The following CHCHD4 variants were observed in gnomAD, a reference collection of about 807,000 sequenced individuals.
CHCHD4 encodes the protein coiled-coil-helix-coiled-coil-helix domain containing 4, also known as mitochondrial intermembrane space import and assembly protein 40.
Under a neutral mutation model 12.4 loss-of-function variants are expected in CHCHD4, and 7 were observed. That is an observed-to-expected ratio of 0.57 (90% confidence interval 0.32 to 1.06). CHCHD4 has a LOEUF of 1.06. Among genes scored for constraint, CHCHD4 ranks in the 50% least tolerant of loss-of-function variants. CHCHD4 has a pLI of 0.04. For missense variants in CHCHD4, 143 were observed against 175.1 expected, an observed-to-expected ratio of 0.82 and a Z score of 1.03; for synonymous variants, 56 against 58.0, an observed-to-expected ratio of 0.97 and a Z score of 0.16.
Position 14,117,628 on chromosome 3 carries a change from C to T in CHCHD4, c.23-1104G>A, listed in dbSNP as rs114738583. On this transcript the variant is annotated intron_variant, in intron 1 of 2. Coordinates refer to ENST00000396914, the MANE Select transcript of CHCHD4 (RefSeq NM_001098502.2). Reference sequence around the variant, plus strand: ...GCAAGGAGCACCTTGTCCTCAGTACCCCACACTGCACGGTGGGTCATCAGT... The same window carrying T: ...GCAAGGAGCACCTTGTCCTCAGTACTCCACACTGCACGGTGGGTCATCAGT... Among the ~76,000 whole-genome samples, 911 of 152,202 alleles carry T rather than the reference C, an allele frequency of 6.0e-3. 4 individuals are homozygous for T. Among genetic ancestry groups the T allele is most frequent in the African/African-American group, 0.021 (887 of 41,470 alleles).
chr3:14,119,902 G>C (rs1017830798), intron 1 of CHCHD4, among the ~76,000 whole-genome samples: 6 of 152,292 alleles, frequency 3.9e-5, no homozygotes, highest in African/African-American at 1.4e-4. Flanking sequence ...TCTGCTGTCA[G>C]CTGGAATCCC....
Position 14,113,032 on chromosome 3 carries a change from T to C in CHCHD4, c.284A>G (p.Gln95Arg). The C allele has an allele frequency of 6.2e-7, 1 of 1,614,098 alleles. No homozygotes were observed. The highest frequency in any genetic ancestry group is 1.1e-5 in the South Asian group (1 of 91,078). ...SDCVDQFRAM[Q>R]ECMQKYPDLY... ...GTCTGGGTATTTCTGCATGCATTCC[T>C]GCATGGCCCGGAACTGGTCTACACA... The change falls in exon 3 of 3, where the codon CAG becomes CGG. Residue 95 changes from glutamine (Q) to arginine (R), a missense_variant. Coordinates refer to ENST00000396914, the MANE Select transcript of CHCHD4 (RefSeq NM_001098502.2).
chr3:14,113,129 G>C lies in CHCHD4; in HGVS notation c.187C>G (p.Pro63Ala). 6.2e-7 allele frequency: 1 copy of C among 1,614,018 alleles called. No homozygotes were observed. Among genetic ancestry groups the C allele is most frequent in the South Asian group, 1.1e-5 (1 of 91,060 alleles). ...CPCLGGMASGPCGEQFKSAFS... is the reference protein window; with the variant it reads ...CPCLGGMASGACGEQFKSAFS... The stretch of plus-strand genomic sequence containing the variant: ...GCTGACTTAAACTGTTCTCCACAGG[G>C]ACCGCTGGCCATTCCCCCAAGGCAT... The change falls in exon 3 of 3, where the codon CCC becomes GCC. Residue 63 changes from proline to alanine, a missense_variant. Pro to Ala is a conservative substitution (Grantham distance 27). Coordinates refer to ENST00000396914, the MANE Select transcript of CHCHD4 (RefSeq NM_001098502.2).
intron 1 of CHCHD4, among the ~76,000 whole-genome samples, chr3:14,119,479 A>G (rs952003462): frequency 3.6e-5 from 5 of 138,666 alleles, no homozygotes; most frequent in African/African-American, 1.5e-4. Flanking sequence ...GACTGATGCA[A>G]GGACAAGGCT....
At chr3:14,123,159 G>C (rs1273653921) in intron 1 of CHCHD4, among the ~76,000 whole-genome samples, 1 of 152,152 alleles carries the variant, frequency 6.6e-6, no homozygotes, top group Non-Finnish European at 1.5e-5. Context: ...AACTAAGAGA[G>C]ATCTTTGAAG....
Position 14,112,757 on chromosome 3 carries a change from T to A in CHCHD4, c.*130A>T, listed in dbSNP as rs1362725563. On this transcript the variant is annotated 3_prime_UTR_variant, in exon 3 of 3. Coordinates refer to ENST00000396914, the MANE Select transcript of CHCHD4 (RefSeq NM_001098502.2). ...GTCAAGACCTCAAGACCTCTGATCA[T>A]CAAAATAAGTTATTTTGTATATTAT... The A allele has an allele frequency of 2.3e-6, 2 of 874,576 alleles. No individual in the cohort carries two copies. The highest frequency in any genetic ancestry group is 3.4e-6 in the Non-Finnish European group (2 of 579,968). The allele number at this position is 874,576 out of a possible 1,614,324, so 54.2% of individuals were successfully genotyped here.
In CHCHD4 at chr3:14,113,169, A is replaced by T; in HGVS notation, c.147T>A (p.Ile49=). 1.2e-6 allele frequency: 2 copies of T among 1,610,482 alleles called. No homozygotes were observed. Among genetic ancestry groups the T allele is most frequent in the Non-Finnish European group, 1.7e-6 (2 of 1,178,094 alleles). The change falls in exon 3 of 3, where the codon ATT becomes ATA. Residue 49 remains isoleucine, a synonymous_variant. Transcript: ENST00000396914. ...CCCCAAGGCATGGGCAGTTCCAGTTAATGTTTCCATTTGGCAGTATCAATC... is the reference window on the plus strand; with the variant it reads ...CCCCAAGGCATGGGCAGTTCCAGTTTATGTTTCCATTTGGCAGTATCAATC... ...EHGLILPNGN[I]NWNCPCLGGM...
chr3:14,115,956 A>C (rs1694872160), intron 2 of CHCHD4, among the ~76,000 whole-genome samples: 1 of 152,084 alleles, frequency 6.6e-6, no homozygotes, highest in South Asian at 2.1e-4. Context: ...AACAGCTCTG[A>C]CTAGGTTAGC....
Position 14,112,955 on chromosome 3 carries a change from C to T in CHCHD4, c.361G>A (p.Ala121Thr). Reference protein sequence around the residue: ...DEEEEREKKPAEQAEETAPIE... With the variant: ...DEEEEREKKPTEQAEETAPIE... Reference sequence around the variant, plus strand: ...GGAGCTGTTTCTTCTGCTTGTTCTGCTGGCTTCTTCTCTCTTTCCTCTTCC... The same window carrying T: ...GGAGCTGTTTCTTCTGCTTGTTCTGTTGGCTTCTTCTCTCTTTCCTCTTCC... Residue 121 changes from alanine (A) to threonine (T), a missense_variant, in exon 3 of 3, where the codon GCA becomes ACA. Ala to Thr is a moderately conservative substitution (Grantham distance 58). Coordinates refer to ENST00000396914, the MANE Select transcript of CHCHD4 (RefSeq NM_001098502.2). 6.2e-7 allele frequency: 1 copy of T among 1,612,680 alleles called. No homozygotes were observed. Among genetic ancestry groups the T allele is most frequent in the Non-Finnish European group, 8.5e-7 (1 of 1,179,356 alleles).
Position 14,116,430 on chromosome 3 carries a change from C to T in CHCHD4, c.117G>A (p.Glu39=), listed in dbSNP as rs182095968. The T allele has an allele frequency of 3.1e-5, 50 of 1,602,492 alleles. No homozygotes were observed. The Admixed American group carries it at 8.2e-4, about 26-fold the overall frequency. Residue 39 remains glutamate, a synonymous_variant, in exon 2 of 3, where the codon GAG becomes GAA. Transcript: ENST00000396914. ...GGGAGGCCACATGTCACTCACCATG[C>T]TCCTCGTATGGATCGTTGGGGTCAT... ...VADDPNDPYE[E]HGLILPNGNI...
chr3:14,113,147 C>T lies in CHCHD4; in HGVS notation c.169G>A (p.Gly57Arg). ...CCACAGGGACCGCTGGCCATTCCCC[C>T]AAGGCATGGGCAGTTCCAGTTAATG... The part of the protein sequence containing the change: ...GNINWNCPCL[G>R]GMASGPCGEQ... The change falls in exon 3 of 3, where the codon GGG (glycine) becomes AGG (arginine). Residue 57 changes from glycine to arginine, a missense_variant. Coordinates refer to ENST00000396914, the MANE Select transcript of CHCHD4 (RefSeq NM_001098502.2). 6.2e-7 allele frequency: 1 copy of T among 1,613,928 alleles called. No individual in the cohort carries two copies. Among genetic ancestry groups the T allele is most frequent in the Non-Finnish European group, 8.5e-7 (1 of 1,179,922 alleles).
intron 1 of CHCHD4, among the ~76,000 whole-genome samples, chr3:14,121,097 G>A (rs1028327407): frequency 2.0e-4 from 30 of 152,142 alleles, no homozygotes; most frequent in African/African-American, 7.2e-4. Context: ...TAGTACACCT[G>A]AAGGGAAAGG....
chr3:14,114,867 C>T (rs1173758864), intron 2 of CHCHD4, among the ~76,000 whole-genome samples: 1 of 152,196 alleles, frequency 6.6e-6, no homozygotes, highest in African/African-American at 2.4e-5. Flanking sequence ...GTCAAACATG[C>T]AGTCTAAGGC....
chr3:14,120,021 G>T (rs539163770), intron 1 of CHCHD4, among the ~76,000 whole-genome samples: 1 of 152,146 alleles, frequency 6.6e-6, no homozygotes, highest in Non-Finnish European at 1.5e-5. Context: ...GCTGATGGTC[G>T]AGTGCTCTCT....
At chr3:14,117,825 G>A (rs1328999360) in intron 1 of CHCHD4, among the ~76,000 whole-genome samples, 1 of 152,168 alleles carries the variant, frequency 6.6e-6, no homozygotes, top group Non-Finnish European at 1.5e-5. Flanking sequence ...AGGACAGGAT[G>A]CTCTGAAGTC....
Position 14,124,824 on chromosome 3 carries a change from C to A in CHCHD4, c.-148G>T. The A allele has an allele frequency of 2.2e-6, 2 of 917,822 alleles. No individual in the cohort carries two copies. Among genetic ancestry groups the A allele is most frequent in the East Asian group, 2.7e-5 (1 of 36,680 alleles). The allele number at this position is 917,822 out of a possible 1,614,324, so 56.9% of individuals were successfully genotyped here. On this transcript the variant is annotated 5_prime_UTR_variant, in exon 1 of 3. Coordinates refer to ENST00000396914, the MANE Select transcript of CHCHD4 (RefSeq NM_001098502.2). ...CCCAGGCCTGCCCGCCGCGCGCCTG[C>A]CTCGGCGCCCTCGCAACCGCGGCCA...
rs1260810603 is a variant in CHCHD4 at position 14,112,399 on chromosome 3, C to G, written c.*488G>C. On this transcript the variant is annotated 3_prime_UTR_variant, in exon 3 of 3. Coordinates refer to ENST00000396914, the MANE Select transcript of CHCHD4 (RefSeq NM_001098502.2). Reference sequence around the variant, plus strand: ...AAAGTACAGTACCCCTTCACATACTCAAGGTCAAGATGGGTTTGCAGAAAT... The same window carrying G: ...AAAGTACAGTACCCCTTCACATACTGAAGGTCAAGATGGGTTTGCAGAAAT... 6.5e-6 allele frequency: 1 copy of G among 154,680 alleles called. No homozygotes were observed. The highest frequency in any genetic ancestry group is 1.4e-5 in the Non-Finnish European group (1 of 69,520). The allele number at this position is 154,680 out of a possible 1,614,324, so 9.6% of individuals were successfully genotyped here.
intron 2 of CHCHD4, among the ~76,000 whole-genome samples, chr3:14,113,482 G>A (rs1545630): frequency 0.025 from 3,845 of 152,276 alleles, 177 homozygotes; most frequent in African/African-American, 0.088. Flanking sequence ...GACCCATTTA[G>A]CCCAAAGAAG....
In CHCHD4 at chr3:14,112,720, A is replaced by T; in HGVS notation, c.*167T>A. The T allele has an allele frequency of 4.7e-6, 3 of 635,458 alleles. No homozygotes were observed. The highest frequency in any genetic ancestry group is 2.7e-6 in the Non-Finnish European group (1 of 377,098). The allele number at this position is 635,458 out of a possible 1,614,324, so 39.4% of individuals were successfully genotyped here. A position where few individuals can be genotyped will look rare whatever the true frequency, so the allele number is the denominator to read the frequency against. On this transcript the variant is annotated 3_prime_UTR_variant, in exon 3 of 3. Transcript: ENST00000396914. ...ATACAACCCCCATTTTTTTCAGTGT[A>T]TATGTCAAGATGTCAAGACCTCAAG... is the stretch of plus-strand genomic sequence containing the variant.
Sources: gnomAD v4.1 joint callset for allele counts (sites outside exome capture counted in the v4.1 genomes callset) on GRCh38, gnomAD v4.1.1 for gene constraint, MANE v1.5 for transcripts, NCBI Gene and HGNC (gene_info 2026-07-23, HGNC 2026-07-21) for gene names.